Variants in MTUS2 observed in about 807,000 individuals in gnomAD.
MTUS2 encodes microtubule associated scaffold protein 2, also known as microtubule-associated tumor suppressor candidate 2.
MTUS2 carries 40 observed loss-of-function variants against 114.1 expected under a neutral mutation model. The ratio of observed to expected loss-of-function variants is 0.35; its 90% confidence interval spans 0.27 to 0.46. The LOEUF is 0.46. Ranked by LOEUF, MTUS2 falls within the 20% of genes least tolerant of loss-of-function variation. The pLI is 1.00. For synonymous variants in MTUS2, 688 were observed against 672.0 expected (o/e 1.02, Z -0.37); for missense variants, 1,679 against 1,705.4 (o/e 0.98, Z 0.27).
chr13:28,841,345 A>G (rs1323075816), intron 2 of MTUS2, among the ~76,000 whole-genome samples: 1 of 152,130 alleles, frequency 6.6e-6, no homozygotes, highest in Non-Finnish European at 1.5e-5. Flanking sequence ...CAGATAGGGG[A>G]AAAAGTCATA....
intron 4 of MTUS2, among the ~76,000 whole-genome samples, chr13:29,098,939 A>ATTT (rs1201328798): frequency 1.3e-5 from 2 of 152,240 alleles, no homozygotes; most frequent in East Asian, 3.8e-4. Context: ...ATAACTTAAA[A>ATTT]TAGTATCAAA....
chr13:28,930,844 G>A (rs946476365), intron 2 of MTUS2, among the ~76,000 whole-genome samples: 3 of 152,174 alleles, frequency 2.0e-5, no homozygotes, highest in Admixed American at 1.3e-4. Flanking sequence ...GAGCTGTTAC[G>A]TATAGGATTT....
chr13:29,165,880 A>C (rs1050169552), intron 5 of MTUS2, among the ~76,000 whole-genome samples: 1 of 152,208 alleles, frequency 6.6e-6, no homozygotes, highest in Admixed American at 6.5e-5. Context: ...GTGAGGAAGC[A>C]TGTCTTTCAC....
intron 5 of MTUS2, among the ~76,000 whole-genome samples, chr13:29,149,915 A>T (rs1002819791): frequency 6.6e-6 from 1 of 152,144 alleles, no homozygotes; most frequent in Non-Finnish European, 1.5e-5. Flanking sequence ...TGGTTATGGT[A>T]GCCTTGTAGT....
chr13:28,876,204 A>C (rs1348586758), intron 2 of MTUS2, among the ~76,000 whole-genome samples: 2 of 152,220 alleles, frequency 1.3e-5, no homozygotes, highest in Non-Finnish European at 2.9e-5. Flanking sequence ...AGTTGTGGAC[A>C]CAGCATCACA....
intron 5 of MTUS2, among the ~76,000 whole-genome samples, chr13:29,258,824 T>A (rs1196529625): frequency 6.6e-6 from 1 of 152,214 alleles, no homozygotes; most frequent in Non-Finnish European, 1.5e-5. Context: ...GGTGTCTCAC[T>A]GTTCAGGGTG....
At chr13:29,276,937 TAAG>T (rs1898087109) in intron 5 of MTUS2, among the ~76,000 whole-genome samples, 1 of 151,908 alleles carries the variant, frequency 6.6e-6, no homozygotes, top group Non-Finnish European at 1.5e-5. Context: ...AATAAATAAA[TAAG>T]AAAAAAGAAT....
intron 2 of MTUS2, among the ~76,000 whole-genome samples, chr13:28,903,208 A>T (rs1325266921): frequency 6.6e-6 from 1 of 151,802 alleles, no homozygotes; most frequent in Non-Finnish European, 1.5e-5. Flanking sequence ...CCTGAATGAG[A>T]GTTTTGCTGG....
At chr13:29,382,960 C>T (rs1566168312) in intron 8 of MTUS2, among the ~76,000 whole-genome samples, 3 of 152,092 alleles carry the variant, frequency 2.0e-5, no homozygotes, top group Non-Finnish European at 4.4e-5. Context: ...GATACAGCAA[C>T]ACGAGCAAGA....
At chr13:28,822,658 T>C (rs1427970076) in intron 1 of MTUS2, among the ~76,000 whole-genome samples, 1 of 152,028 alleles carries the variant, frequency 6.6e-6, no homozygotes, top group Non-Finnish European at 1.5e-5. Flanking sequence ...AGTGTGTTCA[T>C]GTGGTCATCC....
intron 5 of MTUS2, among the ~76,000 whole-genome samples, chr13:29,206,255 ATTAT>A (rs1467715848): frequency 6.6e-6 from 1 of 151,932 alleles, no homozygotes; most frequent in Non-Finnish European, 1.5e-5. Flanking sequence ...TCTTGATGGG[ATTAT>A]TTGTTTTCTT....
chr13:28,824,244 AC>A (rs1874113020), intron 1 of MTUS2, among the ~76,000 whole-genome samples: 1 of 152,228 alleles, frequency 6.6e-6, no homozygotes, highest in Non-Finnish European at 1.5e-5. Flanking sequence ...TTAAAAACTT[AC>A]AATTGTAATT....
chr13:29,497,464 C>T, intron 13 of MTUS2, 128 bp downstream of exon 13: 2 of 746,732 alleles, frequency 2.7e-6, no homozygotes, highest in Non-Finnish European at 4.6e-6. Flanking sequence ...GACAGCTGGT[C>T]ACGACCTCCC....
intron 2 of MTUS2, among the ~76,000 whole-genome samples, chr13:28,956,114 C>T (rs1237910453): frequency 6.9e-6 from 1 of 145,964 alleles, no homozygotes; most frequent in African/African-American, 2.5e-5. Context: ...TATGCCTTTG[C>T]GTCCTCATAG....
At chr13:29,337,737 G>T (rs940835291) in intron 7 of MTUS2, among the ~76,000 whole-genome samples, 1 of 151,132 alleles carries the variant, frequency 6.6e-6, no homozygotes, top group African/African-American at 2.4e-5. Flanking sequence ...GAGTAGCTAG[G>T]ACTACAGGTG....
intron 5 of MTUS2, among the ~76,000 whole-genome samples, chr13:29,229,238 CTT>C (rs1896231133): frequency 6.6e-6 from 1 of 152,194 alleles, no homozygotes; most frequent in Admixed American, 6.5e-5. Flanking sequence ...TGGTCACTGA[CTT>C]TAACTTTGTT....
chr13:29,307,258 G>A, intron 6 of MTUS2: 3 of 635,952 alleles, frequency 4.7e-6, no homozygotes, highest in Non-Finnish European at 8.7e-6. Flanking sequence ...AGCACCCCTG[G>A]CCAAAGTCAT....
intron 5 of MTUS2, among the ~76,000 whole-genome samples, chr13:29,220,864 C>G (rs1895879002): frequency 1.3e-5 from 2 of 152,196 alleles, no homozygotes; most frequent in Admixed American, 1.3e-4. Context: ...AACTTGTAAA[C>G]AATGTGATAT....
chr13:29,317,988 C>G (rs1162934412), intron 6 of MTUS2, among the ~76,000 whole-genome samples: 1 of 152,144 alleles, frequency 6.6e-6, no homozygotes. Flanking sequence ...TTGCTTTTCC[C>G]TCTTCTTGCT....
Sources: gnomAD v4.1 joint callset for allele counts (sites outside exome capture counted in the v4.1 genomes callset) on GRCh38, gnomAD v4.1.1 for gene constraint, MANE v1.5 for transcripts, NCBI Gene and HGNC (gene_info 2026-07-23, HGNC 2026-07-21) for gene names.